The following LRRC7 variants were observed in gnomAD, a reference collection of about 807,000 sequenced individuals.
LRRC7 encodes leucine rich repeat containing 7, also known as leucine-rich repeat-containing protein 7.
In LRRC7, 23 loss-of-function variants were observed where a neutral mutation model predicts 175.7. The ratio of observed to expected loss-of-function variants is 0.13; its 90% CI spans 0.09 to 0.19. LRRC7 has a LOEUF of 0.19. Among genes scored for constraint, LRRC7 ranks in the 10% least tolerant of loss-of-function variants. The pLI is 1.00. For synonymous variants in LRRC7, 685 were observed against 680.9 expected (o/e 1.01, Z -0.09); for missense variants, 1,354 against 1,904.7 (o/e 0.71, Z 5.38).
chr1:69,905,254 T>TATC (rs138004839), intron 7 of LRRC7, among the ~76,000 whole-genome samples: 1 of 150,954 alleles, frequency 6.6e-6, no homozygotes, highest in Non-Finnish European at 1.5e-5. Context: ...AAGTTCTTTT[T>TATC]ATTATTATTA....
intron 10 of LRRC7, among the ~76,000 whole-genome samples, chr1:69,987,352 G>A (rs1654031622): frequency 6.6e-6 from 1 of 152,210 alleles, no homozygotes; most frequent in Non-Finnish European, 1.5e-5. Flanking sequence ...ATTTGTAAGA[G>A]AACTCTACGA....
In LRRC7 at chr1:70,007,112, C is replaced by A. The variant is rs77421064; in HGVS notation, c.1005-4685C>A. Among the ~76,000 whole-genome samples the A allele has an allele frequency of 7.1e-3, 1,077 of 152,232 alleles. 9 individuals carry two copies. The highest frequency in any genetic ancestry group is 0.013 in the Admixed American group (204 of 15,282). ...ACTCAACGTTCAGCCTCTCTCCCCTCCCCAGAGGTCAGGGGGTGAGACCGA... is the reference window on the plus strand; with the variant it reads ...ACTCAACGTTCAGCCTCTCTCCCCTACCCAGAGGTCAGGGGGTGAGACCGA... On this transcript the variant is annotated intron_variant, in intron 11 of 26. Transcript: ENST00000651989.
chr1:69,633,040 A>G (rs530235662), intron 1 of LRRC7, among the ~76,000 whole-genome samples: 15 of 152,014 alleles, frequency 9.9e-5, no homozygotes, highest in African/African-American at 3.1e-4. Flanking sequence ...AAAACTTGTT[A>G]AGTCTTTCTT....
intron 7 of LRRC7, among the ~76,000 whole-genome samples, chr1:69,915,279 A>AG (rs1224227574): frequency 6.6e-5 from 10 of 152,198 alleles, no homozygotes; most frequent in African/African-American, 2.2e-4. Flanking sequence ...AGAGCCTAAC[A>AG]GGTCAGAGTT....
chr1:69,783,338 G>A (rs749317518), intron 3 of LRRC7, among the ~76,000 whole-genome samples: 5 of 152,182 alleles, frequency 3.3e-5, no homozygotes, highest in Non-Finnish European at 5.9e-5. Context: ...GAGTGAGAGA[G>A]GGATAGACAA....
chr1:70,054,873 A>AG (rs1301810763), intron 23 of LRRC7, among the ~76,000 whole-genome samples: 1 of 151,536 alleles, frequency 6.6e-6, no homozygotes, highest in Non-Finnish European at 1.5e-5. Context: ...TACAGGCATG[A>AG]ACCACCGCTC....
intron 24 of LRRC7, among the ~76,000 whole-genome samples, chr1:70,085,279 A>G (rs1293323888): frequency 6.6e-6 from 1 of 152,134 alleles, no homozygotes; most frequent in Non-Finnish European, 1.5e-5. Context: ...CTTATGTTTC[A>G]GCCTCTGGTC....
chr1:69,785,336 G>T (rs1674279594), intron 3 of LRRC7, among the ~76,000 whole-genome samples: 2 of 151,968 alleles, frequency 1.3e-5, no homozygotes, highest in Non-Finnish European at 2.9e-5. Context: ...GTATTGCTGT[G>T]TAAACTTTCT....
At position 70,129,232 on chromosome 1, in the gene LRRC7, G is replaced by A. The variant is rs1263921643; in HGVS notation, c.*7345G>A. Among the ~76,000 whole-genome samples the A allele has an allele frequency of 2.7e-5, 4 of 150,350 alleles. No homozygotes were observed. The highest frequency in any genetic ancestry group is 9.8e-5 in the African/African-American group (4 of 40,714). ...ACAGCTCTCCAGCCTGGGTGACAGAGTGAGACTCCATCTTAAAAAAAAAAA... is the reference window on the plus strand; with the variant it reads ...ACAGCTCTCCAGCCTGGGTGACAGAATGAGACTCCATCTTAAAAAAAAAAA... On this transcript the variant is annotated 3_prime_UTR_variant, in exon 27 of 27. Coordinates refer to ENST00000651989, the MANE Select transcript of LRRC7 (RefSeq NM_001370785.2).
At chr1:69,717,030 A>G (rs1386512950) in intron 2 of LRRC7, among the ~76,000 whole-genome samples, 1 of 151,710 alleles carries the variant, frequency 6.6e-6, no homozygotes, top group African/African-American at 2.4e-5. Context: ...AAGTTTGCAA[A>G]TAAAAACTGA....
chr1:69,683,670 A>T (rs1227646110), intron 2 of LRRC7, among the ~76,000 whole-genome samples: 1 of 152,216 alleles, frequency 6.6e-6, no homozygotes, highest in Non-Finnish European at 1.5e-5. Context: ...AAGAAAAATT[A>T]AAAAGATTAA....
chr1:69,665,320 G>GT (rs1173699725), intron 1 of LRRC7, among the ~76,000 whole-genome samples: 1 of 151,948 alleles, frequency 6.6e-6, no homozygotes. Context: ...TTTTAAAATT[G>GT]TTTTTTCTAT....
chr1:69,585,930 T>C (rs974320074), intron 1 of LRRC7, among the ~76,000 whole-genome samples: 1 of 152,210 alleles, frequency 6.6e-6, no homozygotes, highest in African/African-American at 2.4e-5. Flanking sequence ...TTGCTTCTTT[T>C]ATGTCATAGA....
rs1667183053 is a variant in LRRC7, at chr1:70,143,751, A to C, written c.*21864A>C. 1 of 152,212 alleles carries C rather than the reference A, an allele frequency of 6.6e-6. No homozygotes were observed. The highest frequency in any genetic ancestry group is 2.4e-5 in the African/African-American group (1 of 41,456). The allele number at this position is 152,212 out of a possible 1,614,324, so 9.4% of individuals were successfully genotyped here. On this transcript the variant is annotated 3_prime_UTR_variant, in exon 27 of 27. Coordinates refer to ENST00000651989, the MANE Select transcript of LRRC7 (RefSeq NM_001370785.2). Reference sequence around the variant, plus strand: ...TACAATTTTACCATTTTATAAAAAAAATCAAATCACAACATGTTTAACTGA... The same window carrying C: ...TACAATTTTACCATTTTATAAAAAACATCAAATCACAACATGTTTAACTGA...
chr1:70,038,000 G>A (rs978105077), intron 20 of LRRC7, 113 bp from the exon 21 acceptor site: 5 of 1,297,590 alleles, frequency 3.9e-6, no homozygotes, highest in Non-Finnish European at 4.3e-6. Context: ...AGTCAGGTGA[G>A]GATTATTGAT....
intron 24 of LRRC7, among the ~76,000 whole-genome samples, chr1:70,082,534 T>G (rs2102148021): frequency 6.6e-6 from 1 of 152,286 alleles, no homozygotes; most frequent in Non-Finnish European, 1.5e-5. Context: ...TATGGTAGAA[T>G]GCAGTAAACA....
intron 1 of LRRC7, among the ~76,000 whole-genome samples, chr1:69,654,135 C>A (rs1656260254): frequency 6.7e-6 from 1 of 150,000 alleles, no homozygotes; most frequent in African/African-American, 2.4e-5. Context: ...TTTACCACAA[C>A]AAGCAAAAGC....
At chr1:69,621,196 C>A (rs1187004878) in intron 1 of LRRC7, among the ~76,000 whole-genome samples, 1 of 152,018 alleles carries the variant, frequency 6.6e-6, no homozygotes, top group Non-Finnish European at 1.5e-5. Flanking sequence ...AGGCATGTGC[C>A]ACCATGCCCG....
At chr1:69,905,739 G>C (rs1024039900) in intron 7 of LRRC7, among the ~76,000 whole-genome samples, 1 of 152,174 alleles carries the variant, frequency 6.6e-6, no homozygotes, top group African/African-American at 2.4e-5. Flanking sequence ...TGTCTTTATA[G>C]CAGCATGGTT....
Sources: gnomAD v4.1 joint callset for allele counts (sites outside exome capture counted in the v4.1 genomes callset) on GRCh38, gnomAD v4.1.1 for gene constraint, MANE v1.5 for transcripts, NCBI Gene and HGNC (gene_info 2026-07-23, HGNC 2026-07-21) for gene names.